The following DAB1 variants were observed in gnomAD, a reference collection of about 807,000 sequenced individuals.
DAB1 encodes the protein disabled homolog 1.
A neutral mutation model predicts 64.6 loss-of-function variants in DAB1; 15 were observed. The ratio of observed to expected loss-of-function variants is 0.23; its 90% confidence interval spans 0.16 to 0.36. The LOEUF is 0.36. Ranked by LOEUF, DAB1 falls within the 10% of genes least tolerant of loss-of-function variation. DAB1 has a pLI of 1.00. For synonymous variants in DAB1, 235 were observed against 251.9 expected, an observed-to-expected ratio of 0.93 and a Z score of 0.64; for missense variants, 596 against 706.7, an observed-to-expected ratio of 0.84 and a Z score of 1.78.
At chr1:58,280,665 A>C (rs575452252) in intron 4 of DAB1, among the ~76,000 whole-genome samples, 4 of 152,338 alleles carry the variant, frequency 2.6e-5, no homozygotes, top group African/African-American at 7.2e-5. Context: ...CATGTTGGGC[A>C]AGTCATTTAG....
intron 2 of DAB1, among the ~76,000 whole-genome samples, chr1:57,166,158 G>A (rs1282868100): frequency 6.6e-6 from 1 of 152,166 alleles, no homozygotes; most frequent in African/African-American, 2.4e-5. Flanking sequence ...ATAGCCCTAT[G>A]AGGTAGGTAT....
At chr1:58,544,074 A>C (rs977423403) in intron 1 of DAB1, among the ~76,000 whole-genome samples, 23 of 152,220 alleles carry the variant, frequency 1.5e-4, no homozygotes, top group African/African-American at 4.6e-4. Flanking sequence ...CATCTAAAGG[A>C]GGTGCAAACA....
At chr1:57,038,606 CCTT>C (rs1359601394) in intron 9 of DAB1, among the ~76,000 whole-genome samples, 1 of 152,112 alleles carries the variant, frequency 6.6e-6, no homozygotes, top group Non-Finnish European at 1.5e-5. Flanking sequence ...TAATAGTCCT[CCTT>C]CTTCCAGCTT....
chr1:56,995,657 TTGGTATAATGGTGTGATAC>T lies in DAB1; in HGVS notation c.*2468_*2486del, dbSNP rs1213253485. The T allele has an allele frequency of 6.6e-6, 1 of 152,128 alleles. No homozygotes were observed. Among genetic ancestry groups the T allele is most frequent in the African/African-American group, 2.4e-5 (1 of 41,422 alleles). The allele number at this position is 152,128 out of a possible 1,614,324, so 9.4% of individuals were successfully genotyped here. A position where few individuals can be genotyped will look rare whatever the true frequency, so the allele number is the denominator to read the frequency against. On this transcript the variant is annotated 3_prime_UTR_variant, in exon 15 of 15. Transcript: ENST00000371236. Reference sequence around the variant, plus strand: ...AATGTGTCAGAAGCAACCCAAAGAATTGGTATAATGGTGTGATACTGCAAGACAAACTCAAGACAGCCAT... The same window carrying T: ...AATGTGTCAGAAGCAACCCAAAGAATTGCAAGACAAACTCAAGACAGCCAT...
intron 1 of DAB1, among the ~76,000 whole-genome samples, chr1:57,384,963 T>C (rs1004522202): frequency 2.0e-5 from 3 of 152,214 alleles, no homozygotes; most frequent in African/African-American, 7.2e-5. Context: ...AGGATATTTG[T>C]AAAGCATGTT....
intron 5 of DAB1, among the ~76,000 whole-genome samples, chr1:58,109,166 G>A (rs12125225): frequency 6.6e-6 from 1 of 152,192 alleles, no homozygotes; most frequent in Non-Finnish European, 1.5e-5. Flanking sequence ...GTTTGATCTA[G>A]AATTCTCTTT....
chr1:58,516,475 A>G (rs1646159285), intron 2 of DAB1, among the ~76,000 whole-genome samples: 1 of 152,180 alleles, frequency 6.6e-6, no homozygotes, highest in Non-Finnish European at 1.5e-5. Flanking sequence ...CTTAATTTAC[A>G]TGTTGGTCTT....
intron 4 of DAB1, among the ~76,000 whole-genome samples, chr1:58,311,061 T>G (rs1264921821): frequency 6.6e-6 from 1 of 152,084 alleles, no homozygotes; most frequent in Non-Finnish European, 1.5e-5. Context: ...TCCTGCTAAG[T>G]CAGTTTAGCA....
At chr1:57,202,187 GA>G (rs1665156767) in intron 2 of DAB1, among the ~76,000 whole-genome samples, 1 of 152,170 alleles carries the variant, frequency 6.6e-6, no homozygotes, top group Non-Finnish European at 1.5e-5. Flanking sequence ...GGATGAATTT[GA>G]AAGGCAGATT....
intron 1 of DAB1, among the ~76,000 whole-genome samples, chr1:57,853,000 G>T (rs1321059353): frequency 6.6e-6 from 1 of 152,108 alleles, no homozygotes; most frequent in Admixed American, 6.5e-5. Flanking sequence ...TTAACTGTTG[G>T]AGGGCTGGGA....
At chr1:57,762,448 A>T (rs1436083128) in intron 6 of DAB1, among the ~76,000 whole-genome samples, 1 of 152,060 alleles carries the variant, frequency 6.6e-6, no homozygotes, top group African/African-American at 2.4e-5. Context: ...AAATGAAACT[A>T]AACTAAACGG....
At chr1:57,444,073 CTCATTTACT>C (rs1686050352) in intron 7 of DAB1, among the ~76,000 whole-genome samples, 1 of 152,132 alleles carries the variant, frequency 6.6e-6, no homozygotes, top group South Asian at 2.1e-4. Context: ...TACAGTGGCT[CTCATTTACT>C]TCAGCAGGGT....
At chr1:58,337,285 GAA>G (rs11322441) in intron 4 of DAB1, among the ~76,000 whole-genome samples, 19 of 67,186 alleles carry the variant, frequency 2.8e-4, no homozygotes, top group East Asian at 1.4e-3. Context: ...CTGTCTCAAA[GAA>G]AAAAAAAAAA....
At chr1:58,183,326 T>C (rs1483519271) in intron 4 of DAB1, among the ~76,000 whole-genome samples, 1 of 152,044 alleles carries the variant, frequency 6.6e-6, no homozygotes, top group Admixed American at 6.6e-5. Context: ...TATTCAGCCA[T>C]GGATGAATAG....
intron 14 of DAB1, among the ~76,000 whole-genome samples, chr1:57,007,282 G>A (rs1646107418): frequency 1.3e-5 from 2 of 152,334 alleles, no homozygotes; most frequent in South Asian, 4.1e-4. Flanking sequence ...AGCTGGGAAA[G>A]TCTGATAGGC....
At position 57,910,462 on chromosome 1, in the gene DAB1, C is replaced by A. The variant is rs145671195; in HGVS notation, n.388-26300G>T. Among the ~76,000 whole-genome samples the A allele has an allele frequency of 2.6e-5, 4 of 152,326 alleles. No homozygotes were observed. In the East Asian group the frequency reaches 7.7e-4, roughly 29 times the overall value. On this transcript the variant is annotated intron_variant and non_coding_transcript_variant, in intron 5 of 20. Coordinates refer to the DAB1 transcript ENST00000485760. ...CGTTCCACAGCACCGCTCTGGCAAG[C>A]ACATACTTTCTTTTCTATTTTTTTT...
intron 5 of DAB1, among the ~76,000 whole-genome samples, chr1:58,009,078 C>T (rs1172137526): frequency 2.0e-5 from 3 of 152,154 alleles, no homozygotes; most frequent in African/African-American, 7.2e-5. Context: ...TACACACCTA[C>T]TAATGTAAGC....
intron 12 of DAB1, among the ~76,000 whole-genome samples, chr1:57,013,510 C>T (rs1030224863): frequency 6.6e-6 from 1 of 152,204 alleles, no homozygotes; most frequent in African/African-American, 2.4e-5. Flanking sequence ...CTATGTAGAT[C>T]ATATGGCCTG....
intron 4 of DAB1, among the ~76,000 whole-genome samples, chr1:58,294,602 T>C (rs79839385): frequency 1.2e-4 from 18 of 152,142 alleles, no homozygotes; most frequent in Admixed American, 2.6e-4. Context: ...CAGAAACATG[T>C]CATGGAAAAC....
Sources: gnomAD v4.1 joint callset for allele counts (sites outside exome capture counted in the v4.1 genomes callset) on GRCh38, gnomAD v4.1.1 for gene constraint, MANE v1.5 for transcripts, NCBI Gene and HGNC (gene_info 2026-07-23, HGNC 2026-07-21) for gene names.